NUP214: variants seen among roughly 807,000 people sequenced by gnomAD.
NUP214 encodes the protein nuclear pore complex protein Nup214.
NUP214 carries 79 observed loss-of-function variants against 196.2 expected under a neutral mutation model. The observed-to-expected ratio is 0.40, with a 90% CI of 0.34 to 0.49. The LOEUF (loss-of-function observed/expected upper bound fraction) is 0.49. Ranked by LOEUF, NUP214 falls within the 20% of genes least tolerant of loss-of-function variation. The pLI, the probability that NUP214 is intolerant of heterozygous loss-of-function variation, is 0.58. For synonymous variants in NUP214, 1,020 were observed against 990.5 expected, an observed-to-expected ratio of 1.03 and a Z score of -0.56; for missense variants, 2,468 against 2,539.0, an observed-to-expected ratio of 0.97 and a Z score of 0.60.
intron 23 of NUP214, among the ~76,000 whole-genome samples, chr9:131,178,084 C>T (rs1414065055): frequency 1.3e-5 from 2 of 152,176 alleles, no homozygotes; most frequent in African/African-American, 4.8e-5. Context: ...TACTCTAGTA[C>T]ATTCGATTCA....
chr9:131,183,020 T>C (rs192751607), intron 24 of NUP214, among the ~76,000 whole-genome samples: 1 of 152,342 alleles, frequency 6.6e-6, no homozygotes, highest in African/African-American at 2.4e-5. Flanking sequence ...CTTTATGCTA[T>C]TGTGCATTTT....
intron 10 of NUP214, 70 bp from the exon 11 acceptor site, chr9:131,140,479 A>G: frequency 1.5e-6 from 2 of 1,339,758 alleles, no homozygotes; most frequent in Non-Finnish European, 1.0e-6. Flanking sequence ...TGTTGAGGGC[A>G]GTCTTTGCCT....
At position 131,129,419 on chromosome 9, in the gene NUP214, A is replaced by G; in HGVS notation, c.534A>G (p.Gln178=). The stretch of plus-strand genomic sequence containing the variant: ...CTGATGGTAGTATTGCTGTCCTGCA[A>G]GTCACGGAAACAGTGAAAGTATGTG... ...CLADGSIAVL[Q]VTETVKVCAT... is the part of the protein sequence containing the mutation. Residue 178 remains glutamine, a synonymous_variant, in exon 4 of 36, where the codon CAA becomes CAG. Coordinates refer to ENST00000359428, the MANE Select transcript of NUP214 (RefSeq NM_005085.4). 1.2e-6 allele frequency: 2 copies of G among 1,614,226 alleles called. No homozygotes were observed. Among genetic ancestry groups the G allele is most frequent in the Non-Finnish European group, 1.7e-6 (2 of 1,180,046 alleles).
In NUP214 at chr9:131,234,519, TTC is replaced by T. The variant is rs1834960720; in HGVS notation, c.*1036_*1037del. ...TCGCATTGAAAACAGATGTAAGAAT[TTC>T]TCTTTCAGGCCCAGAATCTGACAGT... On this transcript the variant is annotated 3_prime_UTR_variant, in exon 36 of 36. Transcript: ENST00000359428. 2 of 232,112 alleles carry T rather than the reference TTC, an allele frequency of 8.6e-6. No individual in the cohort carries two copies. The highest frequency in any genetic ancestry group is 1.2e-4 in the East Asian group (2 of 16,456). The allele number at this position is 232,112 out of a possible 1,614,324, so 14.4% of individuals were successfully genotyped here.
rs1429124682 is a variant in NUP214 at position 131,198,646 on chromosome 9, C to G, written c.5152C>G (p.Pro1718Ala). The G allele has an allele frequency of 2.5e-6, 4 of 1,614,112 alleles. No homozygotes were observed. The South Asian group carries it at 3.3e-5, about 13-fold the overall frequency. ...FSSPAFGTTAPGVFGQTTFGQ... is the reference protein window; with the variant it reads ...FSSPAFGTTAAGVFGQTTFGQ... ...CAGCCCAGCTTTTGGTACCACAGCCCCAGGGGTCTTTGGACAGACAACCTT... is the reference window on the plus strand; with the variant it reads ...CAGCCCAGCTTTTGGTACCACAGCCGCAGGGGTCTTTGGACAGACAACCTT... The change falls in exon 29 of 36, where the codon CCA (proline) becomes GCA (alanine). Residue 1718 changes from proline to alanine, a missense_variant. Physicochemically the swap from Pro to Ala is conservative, Grantham distance 27 (BLOSUM62 -1). Coordinates refer to ENST00000359428, the MANE Select transcript of NUP214 (RefSeq NM_005085.4).
chr9:131,166,890 G>A (rs988568025), intron 21 of NUP214, among the ~76,000 whole-genome samples: 3 of 151,872 alleles, frequency 2.0e-5, no homozygotes, highest in Admixed American at 1.3e-4. Context: ...TGCCACAATT[G>A]TTGCTGAACT....
At chr9:131,180,942 C>T (rs1284047868) in intron 24 of NUP214, among the ~76,000 whole-genome samples, 1 of 151,454 alleles carries the variant, frequency 6.6e-6, no homozygotes, top group Non-Finnish European at 1.5e-5. Flanking sequence ...CAAAATAGAC[C>T]AAAAAAACTA....
intron 6 of NUP214, 102 bp from the exon 7 acceptor site, chr9:131,133,004 A>ATT: frequency 2.7e-5 from 22 of 816,712 alleles, no homozygotes; most frequent in African/African-American, 8.9e-5. Context: ...AGGGCCTTTG[A>ATT]TTTTTTTTTT....
chr9:131,209,383 G>A (rs1298932054), intron 30 of NUP214, among the ~76,000 whole-genome samples: 3 of 152,074 alleles, frequency 2.0e-5, no homozygotes, highest in Admixed American at 6.6e-5. Flanking sequence ...CCCTGTCTCA[G>A]TCAGTCAAAT....
At position 131,150,725 on chromosome 9, in the gene NUP214, A is replaced by T. The variant is rs774125033; in HGVS notation, c.2237A>T (p.Asp746Val). The T allele has an allele frequency of 6.2e-7, 1 of 1,613,956 alleles. No individual in the cohort carries two copies. Among genetic ancestry groups the T allele is most frequent in the South Asian group, 1.1e-5 (1 of 91,024 alleles). Residue 746 changes from aspartate to valine, a missense_variant, in exon 16 of 36, where the codon GAC becomes GTC. Transcript: ENST00000359428. ...EMKMLRTESD[D>V]LHTFLLEIKE... Reference sequence around the variant, plus strand: ...AAGATGCTGCGAACAGAATCAGATGACTTGCATACCTTTCTTTTGGAGATT... The same window carrying T: ...AAGATGCTGCGAACAGAATCAGATGTCTTGCATACCTTTCTTTTGGAGATT...
At position 131,132,597 on chromosome 9, in the gene NUP214, C is replaced by T. The variant is rs759627259; in HGVS notation, c.665C>T (p.Thr222Ile). ...TTTTCCCCTCCAAATCTCTTTCAGA[C>T]TTTGCAGGAAAAAAAAGTCATTCCT... is the stretch of plus-strand genomic sequence containing the variant. Reference protein sequence around the residue: ...QNGTVVQYLPTLQEKKVIPCP... With the variant: ...QNGTVVQYLPILQEKKVIPCP... Residue 222 changes from threonine (T) to isoleucine (I), a missense_variant and splice_region_variant, in exon 6 of 36, where the codon ACT (threonine) becomes ATT (isoleucine). Thr to Ile is a moderately conservative substitution (Grantham distance 89). Coordinates refer to ENST00000359428, the MANE Select transcript of NUP214 (RefSeq NM_005085.4). The T allele has an allele frequency of 4.3e-6, 7 of 1,613,318 alleles. No individual in the cohort carries two copies. The highest frequency in any genetic ancestry group is 2.2e-5 in the South Asian group (2 of 91,064).
At chr9:131,158,139 C>T (rs1180182221) in intron 17 of NUP214, among the ~76,000 whole-genome samples, 1 of 152,102 alleles carries the variant, frequency 6.6e-6, no homozygotes, top group Non-Finnish European at 1.5e-5. Flanking sequence ...AGTGCAGTGG[C>T]GTGATCTCAG....
intron 27 of NUP214, among the ~76,000 whole-genome samples, chr9:131,193,629 C>CTGTTTTTTTTTTTTTTT (rs1833677968): frequency 3.5e-5 from 1 of 28,218 alleles, no homozygotes; most frequent in Non-Finnish European, 6.5e-5. Flanking sequence ...TCTTCCTTTT[C>CTGTTTTTTTTTTTTTTT]TTTTTTTTTT....
chr9:131,182,780 T>C (rs1833322490), intron 24 of NUP214, among the ~76,000 whole-genome samples: 1 of 152,220 alleles, frequency 6.6e-6, no homozygotes, highest in African/African-American at 2.4e-5. Context: ...ATCCCATCTG[T>C]TTGTTGTTCA....
chr9:131,218,838 T>G (rs1834478158), intron 31 of NUP214, among the ~76,000 whole-genome samples: 1 of 152,180 alleles, frequency 6.6e-6, no homozygotes, highest in African/African-American at 2.4e-5. Context: ...CCTTTCTGAC[T>G]GTACTCAGTT....
intron 31 of NUP214, among the ~76,000 whole-genome samples, chr9:131,218,863 T>C (rs1834478482): frequency 1.3e-5 from 2 of 152,132 alleles, no homozygotes; most frequent in African/African-American, 4.8e-5. Flanking sequence ...AGCACATTCC[T>C]TCTGGTTTGG....
Position 131,132,887 on chromosome 9 carries a change from C to A in NUP214, c.728-219C>A, listed in dbSNP as rs375770452. The A allele has an allele frequency of 1.9e-4, 118 of 618,470 alleles. No individual in the cohort carries two copies. In the African/African-American group the frequency reaches 2.0e-3, roughly 10 times the overall value. The allele number at this position is 618,470 out of a possible 1,614,324, so 38.3% of individuals were successfully genotyped here. A position where few individuals can be genotyped will look rare whatever the true frequency, so the allele number is the denominator to read the frequency against. On this transcript the variant is annotated intron_variant, in intron 6 of 35. Transcript: ENST00000359428. ...TGGATCCCGACTTTTTATTACAATTCTTCATAATTTGCCCTGATTATAATC... is the reference window on the plus strand; with the variant it reads ...TGGATCCCGACTTTTTATTACAATTATTCATAATTTGCCCTGATTATAATC...
intron 21 of NUP214, 64 bp downstream of exon 21, chr9:131,164,208 C>A: frequency 1.5e-6 from 2 of 1,373,908 alleles, no homozygotes; most frequent in Non-Finnish European, 2.1e-6. Flanking sequence ...TGTGTGTGTG[C>A]GCGCGCACAT....
chr9:131,161,603 G>A (rs1832636125), intron 18 of NUP214, among the ~76,000 whole-genome samples: 1 of 152,136 alleles, frequency 6.6e-6, no homozygotes, highest in Non-Finnish European at 1.5e-5. Context: ...TGTTACCAGA[G>A]GCAGTCATTC....
Sources: gnomAD v4.1 joint callset for allele counts (sites outside exome capture counted in the v4.1 genomes callset) on GRCh38, gnomAD v4.1.1 for gene constraint, MANE v1.5 for transcripts, NCBI Gene and HGNC (gene_info 2026-07-23, HGNC 2026-07-21) for gene names.